The following GADL1 variants were observed in gnomAD, a reference collection of about 807,000 sequenced individuals.
GADL1 encodes the protein acidic amino acid decarboxylase GADL1.
In GADL1, 71 loss-of-function variants were observed where a neutral mutation model predicts 69.5. The observed-to-expected ratio is 1.02, with a 90% CI of 0.84 to 1.25. GADL1 has a LOEUF of 1.25. GADL1 is among the 50% of genes most tolerant of loss of function. The pLI is 0.00. For missense variants in GADL1, 737 were observed against 631.8 expected, an observed-to-expected ratio of 1.17 and a Z score of -1.79; for synonymous variants, 254 against 214.4, an observed-to-expected ratio of 1.18 and a Z score of -1.62.
chr3:30,752,450 CT>C (rs1695847177), intron 14 of GADL1, among the ~76,000 whole-genome samples: 1 of 150,834 alleles, frequency 6.6e-6, no homozygotes, highest in African/African-American at 2.5e-5. Flanking sequence ...CAGCCAGTCT[CT>C]GCTTTTAGAT....
intron 12 of GADL1, 91 bp downstream of exon 12, chr3:30,800,798 C>T: frequency 9.6e-7 from 1 of 1,041,118 alleles, no homozygotes; most frequent in Non-Finnish European, 1.4e-6. Flanking sequence ...CTATTACAGA[C>T]ACAGATAGAC....
intron 1 of GADL1, among the ~76,000 whole-genome samples, chr3:30,879,084 G>A (rs1306766560): frequency 6.6e-6 from 1 of 151,802 alleles, no homozygotes; most frequent in African/African-American, 2.4e-5. Context: ...ACTGCAGTGT[G>A]TACTGACTGG....
At chr3:30,869,390 G>C (rs1698448751) in intron 1 of GADL1, among the ~76,000 whole-genome samples, 1 of 151,792 alleles carries the variant, frequency 6.6e-6, no homozygotes, top group Non-Finnish European at 1.5e-5. Context: ...AGATGACTAT[G>C]GGAAATATTA....
At chr3:30,779,619 C>G (rs2125496677) in intron 13 of GADL1, among the ~76,000 whole-genome samples, 1 of 152,248 alleles carries the variant, frequency 6.6e-6, no homozygotes. Flanking sequence ...ATAGATTTAT[C>G]TAGGATAGAC....
chr3:30,893,369 A>G (rs1182246534), intron 1 of GADL1, among the ~76,000 whole-genome samples: 3 of 148,834 alleles, frequency 2.0e-5, no homozygotes, highest in African/African-American at 7.4e-5. Context: ...ATTACCATAC[A>G]CCTGTCATTT....
intron 1 of GADL1, among the ~76,000 whole-genome samples, chr3:30,892,913 T>C (rs1698803295): frequency 1.3e-5 from 2 of 152,238 alleles, no homozygotes; most frequent in South Asian, 4.1e-4. Context: ...TGGAGTACAG[T>C]GGCGCGAATC....
chr3:30,859,227 G>A (rs921768879), intron 2 of GADL1, among the ~76,000 whole-genome samples: 6 of 151,866 alleles, frequency 4.0e-5, no homozygotes, highest in South Asian at 4.1e-4. Flanking sequence ...GAAAAGACTG[G>A]GAGGCTGGGG....
In GADL1 at chr3:30,731,177, C is replaced by T. The variant is rs77085039; in HGVS notation, c.1393-2762G>A. Among the ~76,000 whole-genome samples the T allele has an allele frequency of 5.8e-3, 882 of 152,286 alleles. 50 individuals carry two copies. In the East Asian group the frequency reaches 0.1, roughly 17 times the overall value. ...TATCAGTTTTAGAGCTTACAGCTTG[C>T]GGTTCTGTGGTTCTTGTTTTTGAAA... On this transcript the variant is annotated intron_variant, in intron 14 of 14. Coordinates refer to ENST00000282538, the MANE Select transcript of GADL1 (RefSeq NM_207359.3).
At position 30,847,181 on chromosome 3, in the gene GADL1, C is replaced by T. The variant is rs1291432987; in HGVS notation, c.652-2715G>A. Among the ~76,000 whole-genome samples the T allele has an allele frequency of 4.6e-5, 7 of 152,146 alleles. No individual in the cohort carries two copies. In the East Asian group the frequency reaches 1.2e-3, roughly 25 times the overall value. The stretch of plus-strand genomic sequence containing the variant: ...TCCAAAAGTCCCCTTCTCTTAGATG[C>T]CTATTTAGCACTAGAGAGGCAACCT... On this transcript the variant is annotated intron_variant, in intron 6 of 14. Transcript: ENST00000282538.
chr3:30,817,441 C>A (rs190956519), intron 11 of GADL1, among the ~76,000 whole-genome samples: 136 of 152,314 alleles, frequency 8.9e-4, no homozygotes, highest in Non-Finnish European at 7.3e-5. Context: ...AAGAACTCTA[C>A]TTCCCTAGAG....
chr3:30,878,676 T>C (rs1049250261), intron 1 of GADL1, among the ~76,000 whole-genome samples: 1 of 151,898 alleles, frequency 6.6e-6, no homozygotes, highest in Non-Finnish European at 1.5e-5. Context: ...ACTGCACTTA[T>C]CCAAAGACAG....
chr3:30,844,280 T>C lies in GADL1; in HGVS notation c.732-16A>G, dbSNP rs754337457. 1.3e-5 allele frequency: 21 copies of C among 1,608,548 alleles called. No homozygotes were observed. The highest frequency in any genetic ancestry group is 1.8e-5 in the Non-Finnish European group (21 of 1,176,688). On this transcript the variant is annotated splice_polypyrimidine_tract_variant and intron_variant, in intron 7 of 14. Coordinates refer to ENST00000282538, the MANE Select transcript of GADL1 (RefSeq NM_207359.3). ...CATTTTACCTCTAAGGGACAAAGAT[T>C]TGAGACTTTCAGTTATGTTTAGTAA...
chr3:30,800,805 A>G, intron 12 of GADL1, 84 bp downstream of exon 12: 1 of 972,498 alleles, frequency 1.0e-6, no homozygotes, highest in Non-Finnish European at 1.5e-6. Context: ...AGACACAGAT[A>G]GACACACACA....
intron 1 of GADL1, among the ~76,000 whole-genome samples, chr3:30,890,397 G>T (rs901880457): frequency 1.3e-5 from 2 of 152,104 alleles, no homozygotes; most frequent in East Asian, 3.9e-4. Context: ...TAGATATATA[G>T]AATTACAAGC....
rs529126295 is a variant in GADL1 at position 30,833,785 on chromosome 3, T to C, written c.1050+68A>G. 29 of 1,100,562 alleles carry C rather than the reference T, an allele frequency of 2.6e-5. No homozygotes were observed. The East Asian group carries it at 5.7e-4, about 22-fold the overall frequency. The allele number at this position is 1,100,562 out of a possible 1,614,324, so 68.2% of individuals were successfully genotyped here. ...CAAGTCACCAAGAGATGAGCAAAAA[T>C]GAAGCCCTTGGCAAGCACAGTGGCT... On this transcript the variant is annotated intron_variant, in intron 11 of 14. Transcript: ENST00000282538.
At chr3:30,778,652 TA>T in intron 13 of GADL1, 2 of 160,244 alleles carry the variant, frequency 1.2e-5, no homozygotes, top group Admixed American at 6.0e-5. Flanking sequence ...AGGCTTCCAA[TA>T]ATTCTTCTTA....
chr3:30,796,578 A>G (rs6804533), intron 12 of GADL1, among the ~76,000 whole-genome samples: 1 of 151,974 alleles, frequency 6.6e-6, no homozygotes. Flanking sequence ...GGAGTACTTT[A>G]TCTTTTTGAT....
intron 14 of GADL1, among the ~76,000 whole-genome samples, chr3:30,748,324 G>C (rs1224184415): frequency 6.6e-6 from 1 of 152,040 alleles, no homozygotes; most frequent in East Asian, 1.9e-4. Context: ...ATTTTTTTAA[G>C]TTATGAAAAA....
chr3:30,785,116 T>C (rs898690286), intron 13 of GADL1, among the ~76,000 whole-genome samples: 1 of 152,042 alleles, frequency 6.6e-6, no homozygotes, highest in African/African-American at 2.4e-5. Flanking sequence ...TCTACACTTT[T>C]CCCCCCAGTA....
Sources: gnomAD v4.1 joint callset for allele counts (sites outside exome capture counted in the v4.1 genomes callset) on GRCh38, gnomAD v4.1.1 for gene constraint, MANE v1.5 for transcripts, NCBI Gene and HGNC (gene_info 2026-07-23, HGNC 2026-07-21) for gene names.